Variants in SLC12A9 observed in about 807,000 individuals in gnomAD.
The protein encoded by SLC12A9 is solute carrier family 12 member 9.
A neutral mutation model predicts 66.0 loss-of-function variants in SLC12A9; 55 were observed. The ratio of observed to expected loss-of-function variants is 0.83; its 90% CI spans 0.67 to 1.04. SLC12A9 has a LOEUF of 1.04. SLC12A9 is among the 50% of genes least tolerant of loss of function. The pLI is 0.00. For synonymous variants in SLC12A9, 577 were observed against 569.0 expected (o/e 1.01, Z -0.20); for missense variants, 1,061 against 1,241.9 (o/e 0.85, Z 2.19).
chr7:100,829,795 G>A lies in SLC12A9; in HGVS notation n.228+2748G>A, dbSNP rs186019144. Reference sequence around the variant, plus strand: ...TGTAATCTCAGCATTTTGGGAGGCCGAGGCGGGTGGATCACTTGAGCCCAA... The same window carrying A: ...TGTAATCTCAGCATTTTGGGAGGCCAAGGCGGGTGGATCACTTGAGCCCAA... On this transcript the variant is annotated intron_variant and non_coding_transcript_variant, in intron 1 of 1. Coordinates refer to the SLC12A9 transcript ENST00000461016. Among the ~76,000 whole-genome samples, 12 of 152,292 alleles carry A rather than the reference G, an allele frequency of 7.9e-5. No homozygotes were observed. In the South Asian group the frequency reaches 8.3e-4, roughly 11 times the overall value.
chr7:100,860,893 T>G, intron 9 of SLC12A9: 1 of 625,998 alleles, frequency 1.6e-6, no homozygotes. Flanking sequence ...ACTGGCACTT[T>G]TGGGGTTTAA....
intron 9 of SLC12A9, chr7:100,860,869 G>A (rs1389128124): frequency 5.3e-6 from 3 of 561,456 alleles, no homozygotes; most frequent in East Asian, 3.6e-5. Context: ...GGGGTTCACT[G>A]ACACTGGGGA....
At chr7:100,860,902 A>T in intron 9 of SLC12A9, 4 of 676,574 alleles carry the variant, frequency 5.9e-6, no homozygotes, top group Non-Finnish European at 7.7e-6. Flanking sequence ...TTTGGGGTTT[A>T]ATAGCATTTT....
chr7:100,842,386 C>T (rs1027720745), intron 1 of SLC12A9, among the ~76,000 whole-genome samples: 4 of 152,182 alleles, frequency 2.6e-5, no homozygotes, highest in Non-Finnish European at 5.9e-5. Flanking sequence ...TCAAAGACAG[C>T]TCTCTACTTC....
intron 13 of SLC12A9, 33 bp from the exon 14 acceptor site, chr7:100,865,686 T>C: frequency 6.3e-7 from 1 of 1,578,620 alleles, no homozygotes; most frequent in South Asian, 1.2e-5. Flanking sequence ...GCCTGACTCC[T>C]GTCTGTTCCT....
rs192523347 is a variant in SLC12A9 at position 100,832,193 on chromosome 7, C to T, written n.228+5146C>T. On this transcript the variant is annotated intron_variant and non_coding_transcript_variant, in intron 1 of 1. Transcript: ENST00000461016. ...CCAGCCTGGCAACAGAGCGAGACTCCGTCCCACTCCCACCAAAAAAAAATA... is the reference window on the plus strand; with the variant it reads ...CCAGCCTGGCAACAGAGCGAGACTCTGTCCCACTCCCACCAAAAAAAAATA... 4.6e-5 allele frequency among the ~76,000 whole-genome samples: 7 copies of T among 152,066 alleles called. No homozygotes were observed. In the East Asian group the frequency reaches 1.3e-3, roughly 29 times the overall value.
At chr7:100,836,750 T>A (rs574826009) in intron 1 of SLC12A9, among the ~76,000 whole-genome samples, 1 of 151,786 alleles carries the variant, frequency 6.6e-6, no homozygotes, top group Non-Finnish European at 1.5e-5. Context: ...GTTTGCTGGG[T>A]CTGCAGGAAA....
At chr7:100,850,247 T>A (rs1814031620), upstream of SLC12A9, among the ~76,000 whole-genome samples, 1 of 116,754 alleles carries the variant, frequency 8.6e-6, no homozygotes. Context: ...CCTTCCTTCC[T>A]TTTCTTTCTT....
chr7:100,842,901 C>G (rs1401450327), intron 1 of SLC12A9, among the ~76,000 whole-genome samples: 5 of 152,240 alleles, frequency 3.3e-5, no homozygotes, highest in Non-Finnish European at 7.3e-5. Flanking sequence ...CTGCTGTATC[C>G]CTAAGTCTGG....
chr7:100,845,375 A>G (rs1813885957), intron 1 of SLC12A9, among the ~76,000 whole-genome samples: 1 of 151,414 alleles, frequency 6.6e-6, no homozygotes, highest in African/African-American at 2.4e-5. Flanking sequence ...TTTGAGACGG[A>G]GTCTTGCTCT....
intron 13 of SLC12A9, chr7:100,865,163 G>T: frequency 8.8e-7 from 1 of 1,141,320 alleles, no homozygotes; most frequent in African/African-American, 1.5e-5. Context: ...TCACCGTATT[G>T]GCCAGGCTGG....
At chr7:100,845,310 G>C (rs1264266050) in intron 1 of SLC12A9, among the ~76,000 whole-genome samples, 1 of 150,296 alleles carries the variant, frequency 6.7e-6, no homozygotes, top group African/African-American at 2.4e-5. Context: ...TGCCTGACCA[G>C]CAGACAAGTA....
Position 100,854,136 on chromosome 7 carries a change from C to G in SLC12A9, c.-42-20C>G. On this transcript the variant is annotated intron_variant, in intron 1 of 13. Transcript: ENST00000354161. Reference sequence around the variant, plus strand: ...GAGCTCTGTGGGGGAGCTTTTGATGCAACATAATCTCCTTTGCAGGTCACC... The same window carrying G: ...GAGCTCTGTGGGGGAGCTTTTGATGGAACATAATCTCCTTTGCAGGTCACC... The G allele has an allele frequency of 6.9e-7, 1 of 1,452,856 alleles. No homozygotes were observed. Among genetic ancestry groups the G allele is most frequent in the Non-Finnish European group, 9.1e-7 (1 of 1,096,692 alleles). The allele number at this position is 1,452,856 out of a possible 1,614,324, so 90.0% of individuals were successfully genotyped here. A position where few individuals can be genotyped will look rare whatever the true frequency, so the allele number is the denominator to read the frequency against.
At chr7:100,828,444 CAGG>C (rs1813472594) in intron 1 of SLC12A9, among the ~76,000 whole-genome samples, 1 of 148,296 alleles carries the variant, frequency 6.7e-6, no homozygotes, top group East Asian at 2.0e-4. Flanking sequence ...GAGGCTGAGG[CAGG>C]AGAATTGCTT....
rs573979207 is a variant in SLC12A9 at position 100,839,193 on chromosome 7, C to T, written n.228+12146C>T. On this transcript the variant is annotated intron_variant and non_coding_transcript_variant, in intron 1 of 1. Coordinates refer to the SLC12A9 transcript ENST00000461016. ...CAAAAAAATTAGCTGGGCATGGTGG[C>T]GGGCGCCTGTAGTCCCAGCTACTCA... Among the ~76,000 whole-genome samples the T allele has an allele frequency of 1.8e-4, 27 of 152,112 alleles. No homozygotes were observed. In the South Asian group the frequency reaches 3.9e-3, roughly 22 times the overall value.
At chr7:100,848,652 C>T (rs904013449), upstream of SLC12A9, among the ~76,000 whole-genome samples, 2 of 151,960 alleles carry the variant, frequency 1.3e-5, no homozygotes, top group African/African-American at 2.4e-5. Flanking sequence ...TTTGGGAGGC[C>T]AAGGCGGGCG....
At position 100,865,567 on chromosome 7, in the gene SLC12A9, A is replaced by G. The variant is rs1185637363; in HGVS notation, c.1859-152A>G. ...AGGAAAAATGAAAAGTCTTTATGCAAATATGCAGAATGTTGCCGTAAGAGC... is the reference window on the plus strand; with the variant it reads ...AGGAAAAATGAAAAGTCTTTATGCAGATATGCAGAATGTTGCCGTAAGAGC... On this transcript the variant is annotated intron_variant, in intron 13 of 13. Coordinates refer to ENST00000354161, the MANE Select transcript of SLC12A9 (RefSeq NM_020246.4). 5.1e-6 allele frequency: 8 copies of G among 1,582,566 alleles called. No individual in the cohort carries two copies. The East Asian group carries it at 1.1e-4, about 22-fold the overall frequency.
rs1374916985 is a variant in SLC12A9, at chr7:100,861,837, C to T, written c.1637C>T (p.Pro546Leu). The change falls in exon 12 of 14, where the codon CCT becomes CTT. Residue 546 changes from proline to leucine, a missense_variant. Physicochemically the swap from Pro to Leu is moderately conservative, Grantham distance 98. Coordinates refer to ENST00000354161, the MANE Select transcript of SLC12A9 (RefSeq NM_020246.4). This position sits in a 1 kb window ranked among gnomAD's most constrained non-coding sequence, Gnocchi z 5.3. ...LLVGNPRGALPLLRLANQLKK... is the reference protein window; with the variant it reads ...LLVGNPRGALLLLRLANQLKK... ...GTGGGGAACCCCCGGGGCGCCCTGC[C>T]TCTGCTGCGGTTGGCCAACCAGCTT... is the stretch of plus-strand genomic sequence containing the variant. 3 of 1,614,074 alleles carry T rather than the reference C, an allele frequency of 1.9e-6. No homozygotes were observed. The highest frequency in any genetic ancestry group is 1.1e-5 in the South Asian group (1 of 91,062).
intron 1 of SLC12A9, among the ~76,000 whole-genome samples, chr7:100,829,514 G>T (rs754674571): frequency 2.0e-5 from 3 of 150,362 alleles, no homozygotes; most frequent in South Asian, 2.2e-4. Context: ...CGCCCGGGTT[G>T]GGGGGGGTGG....
Sources: gnomAD v4.1 joint callset for allele counts (sites outside exome capture counted in the v4.1 genomes callset) on GRCh38, gnomAD v4.1.1 for gene constraint, Gnocchi (gnomAD v3.1) non-coding constraint, MANE v1.5 for transcripts, NCBI Gene and HGNC (gene_info 2026-07-23, HGNC 2026-07-21) for gene names.